Variants in ASCC3 observed in about 807,000 individuals in gnomAD.
The protein encoded by ASCC3 is activating signal cointegrator 1 complex subunit 3.
ASCC3 carries 158 observed loss-of-function variants against 256.3 expected under a neutral mutation model. The ratio of observed to expected loss-of-function variants is 0.62; its 90% CI spans 0.54 to 0.70. ASCC3 has a LOEUF of 0.70. Among genes scored for constraint, ASCC3 ranks in the 30% least tolerant of loss-of-function variants. The probability of loss-of-function intolerance (pLI) is 0.00; values close to 1 mark genes in which losing one functional copy is unlikely to be tolerated. For missense variants in ASCC3, 2,259 were observed against 2,626.0 expected (o/e 0.86, Z 3.05); for synonymous variants, 948 against 883.4 (o/e 1.07, Z -1.30).
At chr6:100,737,808 T>C (rs1780253006) in intron 10 of ASCC3, among the ~76,000 whole-genome samples, 1 of 152,196 alleles carries the variant, frequency 6.6e-6, no homozygotes, top group South Asian at 2.1e-4. Context: ...CACCACACTA[T>C]CTCCCACAAT....
chr6:100,670,385 T>C (rs913701165), intron 14 of ASCC3, among the ~76,000 whole-genome samples: 10 of 151,894 alleles, frequency 6.6e-5, no homozygotes, highest in Admixed American at 6.6e-4. Context: ...GTCCCTTATA[T>C]AAAATGGTGT....
At chr6:100,649,025 A>C (rs6908453) in intron 20 of ASCC3, among the ~76,000 whole-genome samples, 4,576 of 151,944 alleles carry the variant, frequency 0.03, 77 homozygotes, top group African/African-American at 0.055. Flanking sequence ...ATCATTTTAC[A>C]GAGTTGAGAG....
At chr6:100,877,337 G>T (rs1396561431) in intron 1 of ASCC3, among the ~76,000 whole-genome samples, 1 of 152,084 alleles carries the variant, frequency 6.6e-6, no homozygotes, top group East Asian at 1.9e-4. Flanking sequence ...TAGAATTTAA[G>T]ATTTCAGTAC....
rs1360851442 is a variant in ASCC3 at position 100,631,216 on chromosome 6, A to G, written c.4123-3T>C. On this transcript the variant is annotated splice_polypyrimidine_tract_variant and splice_region_variant and intron_variant, in intron 25 of 41. Coordinates refer to ENST00000369162, the MANE Select transcript of ASCC3 (RefSeq NM_006828.4). ...TTTAGGGGTGCAATATATACCGCCT[A>G]AAAAGGGGAGAATAGCCAAAAATAC... 2 of 1,606,740 alleles carry G rather than the reference A, an allele frequency of 1.2e-6. No homozygotes were observed. The highest frequency in any genetic ancestry group is 4.5e-5 in the East Asian group (2 of 44,656).
intron 22 of ASCC3, 124 bp downstream of exon 22, chr6:100,646,491 T>A (rs1306021382): frequency 9.3e-7 from 1 of 1,080,194 alleles, no homozygotes; most frequent in Non-Finnish European, 1.3e-6. Context: ...CTATAATTTT[T>A]AAAATAAATC....
chr6:100,607,930 G>A (rs956921909), intron 30 of ASCC3, among the ~76,000 whole-genome samples: 3 of 147,000 alleles, frequency 2.0e-5, no homozygotes, highest in African/African-American at 2.5e-5. Flanking sequence ...TTTTTAAGTC[G>A]ATGTGATAGC....
At chr6:100,537,192 A>G (rs889973034) in intron 37 of ASCC3, among the ~76,000 whole-genome samples, 2 of 152,204 alleles carry the variant, frequency 1.3e-5, no homozygotes, top group Non-Finnish European at 2.9e-5. Context: ...TATAAAGTCA[A>G]TATCATTGCC....
intron 30 of ASCC3, among the ~76,000 whole-genome samples, chr6:100,622,482 C>G (rs1562174378): frequency 6.6e-6 from 1 of 152,046 alleles, no homozygotes; most frequent in Non-Finnish European, 1.5e-5. Flanking sequence ...CCCAGCCATG[C>G]TGAACTGTGA....
At chr6:100,603,023 C>A (rs1484080671) in intron 33 of ASCC3, among the ~76,000 whole-genome samples, 1 of 151,978 alleles carries the variant, frequency 6.6e-6, no homozygotes, top group African/African-American at 2.4e-5. Context: ...TCTATCTGAA[C>A]AATCACTATG....
intron 8 of ASCC3, among the ~76,000 whole-genome samples, chr6:100,786,871 T>A (rs189937106): frequency 4.8e-4 from 73 of 152,218 alleles, no homozygotes; most frequent in Non-Finnish European, 8.5e-4. Flanking sequence ...TGAAATTGAG[T>A]CTTAAAAATG....
At chr6:100,519,582 G>C (rs542252453) in intron 37 of ASCC3, among the ~76,000 whole-genome samples, 3 of 151,954 alleles carry the variant, frequency 2.0e-5, no homozygotes, top group Admixed American at 6.6e-5. Flanking sequence ...GTCTTACAAA[G>C]GGAAGAGAAA....
At chr6:100,652,460 C>T (rs540443604) in intron 18 of ASCC3, among the ~76,000 whole-genome samples, 12 of 152,178 alleles carry the variant, frequency 7.9e-5, no homozygotes, top group African/African-American at 2.6e-4. Context: ...AAAACCGTTA[C>T]ATGTAAAAGC....
intron 30 of ASCC3, among the ~76,000 whole-genome samples, chr6:100,613,373 C>T (rs1284026515): frequency 6.6e-6 from 1 of 151,948 alleles, no homozygotes; most frequent in Non-Finnish European, 1.5e-5. Context: ...TTTTTAGCAT[C>T]CACTTATGAG....
intron 3 of ASCC3, among the ~76,000 whole-genome samples, chr6:100,854,840 T>C (rs1471127447): frequency 1.3e-5 from 2 of 152,156 alleles, no homozygotes; most frequent in Admixed American, 6.5e-5. Flanking sequence ...ACAAATCATA[T>C]AGCTCACTGA....
In ASCC3 at chr6:100,646,742, C is replaced by T. The variant is rs756258516; in HGVS notation, c.3506G>A (p.Gly1169Glu). Residue 1169 changes from glycine (G) to glutamate (E), a missense_variant, in exon 22 of 42, where the codon GGA becomes GAA. This residue lies in a region of ASCC3 where 1,839 missense variants were observed against 2,206.7 expected (regional missense o/e 0.83). Coordinates refer to ENST00000369162, the MANE Select transcript of ASCC3 (RefSeq NM_006828.4). ...IGHILHHVNI[G>E]LKVKQCVHQI... ...ATGAACACATTGTTTGACCTTCAGT[C>T]CAATATTCACATGATGTAAAATGTG... The T allele has an allele frequency of 1.9e-6, 3 of 1,613,844 alleles. No homozygotes were observed. The highest frequency in any genetic ancestry group is 2.5e-6 in the Non-Finnish European group (3 of 1,179,872).
intron 36 of ASCC3, among the ~76,000 whole-genome samples, chr6:100,574,431 G>A (rs971645539): frequency 6.6e-6 from 1 of 152,022 alleles, no homozygotes; most frequent in Non-Finnish European, 1.5e-5. Flanking sequence ...TTTCCCTGTT[G>A]GGAGCTGAGT....
intron 25 of ASCC3, among the ~76,000 whole-genome samples, chr6:100,635,223 T>G (rs1192062284): frequency 6.6e-6 from 1 of 151,994 alleles, no homozygotes; most frequent in Non-Finnish European, 1.5e-5. Flanking sequence ...GTGATATATA[T>G]GTACACACAC....
intron 8 of ASCC3, among the ~76,000 whole-genome samples, chr6:100,792,180 G>A (rs1246091587): frequency 6.6e-6 from 1 of 151,768 alleles, no homozygotes; most frequent in Non-Finnish European, 1.5e-5. Flanking sequence ...TCCTAGTATT[G>A]TACTGTGGCT....
intron 10 of ASCC3, among the ~76,000 whole-genome samples, chr6:100,740,234 G>T (rs1477936816): frequency 6.6e-6 from 1 of 152,126 alleles, no homozygotes; most frequent in African/African-American, 2.4e-5. Flanking sequence ...CCATGTAGTT[G>T]TGTGGTTTTG....
Sources: allele counts gnomAD v4.1 joint callset (sites outside exome capture counted in the v4.1 genomes callset), GRCh38; gene constraint gnomAD v4.1.1; regional missense constraint gnomAD v4.1.1; transcripts MANE v1.5; gene names NCBI Gene and HGNC (gene_info 2026-07-23, HGNC 2026-07-21).